The following MCHR2 variants were observed in gnomAD, a reference collection of about 807,000 sequenced individuals.
The protein encoded by MCHR2 is melanin concentrating hormone receptor 2.
Under a neutral mutation model 24.8 loss-of-function variants are expected in MCHR2, and 15 were observed. That is an observed-to-expected ratio of 0.60 (90% CI 0.40 to 0.93). MCHR2 has a LOEUF of 0.93. Among genes scored for constraint, MCHR2 ranks in the 40% least tolerant of loss-of-function variants. The probability of loss-of-function intolerance (pLI) is 0.00; values close to 1 mark genes in which losing one functional copy is unlikely to be tolerated. For synonymous variants in MCHR2, 151 were observed against 147.6 expected (o/e 1.02, Z -0.17); for missense variants, 386 against 408.7 (o/e 0.94, Z 0.48).
intron 1 of MCHR2, among the ~76,000 whole-genome samples, chr6:99,958,469 C>T (rs534188449): frequency 1.3e-5 from 2 of 151,954 alleles, no homozygotes; most frequent in South Asian, 4.2e-4. Flanking sequence ...TCTTTAGGTC[C>T]TTGGAGTAAA....
chr6:99,940,717 G>T (rs567628712), intron 4 of MCHR2, among the ~76,000 whole-genome samples: 2 of 151,758 alleles, frequency 1.3e-5, no homozygotes, highest in South Asian at 4.2e-4. Flanking sequence ...TATTTGCTTA[G>T]AGAGTCTTTA....
chr6:99,951,932 G>A (rs538250285), intron 2 of MCHR2, among the ~76,000 whole-genome samples: 29 of 152,218 alleles, frequency 1.9e-4, no homozygotes, highest in African/African-American at 5.1e-4. Flanking sequence ...GACAAAATGG[G>A]AACTCTATTT....
chr6:99,980,101 ATTGT>A lies in MCHR2; in HGVS notation c.-28+13831_-28+13834del, dbSNP rs998451180. Reference sequence around the variant, plus strand: ...TTTGATCATTTCAAGTTACATGATGATTGTTCTGTTTTATAGTTTATAAAGTAAT... The same window carrying A: ...TTTGATCATTTCAAGTTACATGATGATCTGTTTTATAGTTTATAAAGTAAT... On this transcript the variant is annotated intron_variant, in intron 1 of 5. Transcript: ENST00000281806. Among the ~76,000 whole-genome samples the A allele has an allele frequency of 1.0e-4, 14 of 134,642 alleles. No individual in the cohort carries two copies. In the Admixed American group the frequency reaches 1.1e-3, roughly 10 times the overall value. The allele number at this position is 134,642 out of a possible 152,430, so 88.3% of individuals were successfully genotyped here.
rs1775054187 is a variant in MCHR2, at chr6:99,956,092, G to GTTTAAAAGTTTAA, written c.55_56insTTAAACTTTTAAA (p.Ser19PhefsTer8). The stretch of plus-strand genomic sequence containing the variant: ...TTGATAAGCAAACTCTTTATTCCAG[G>GTTTAAAAGTTTAA]ATTTGTTTAAAAGTTCGGCAGAGGT... On this transcript the variant is annotated frameshift_variant, in exon 2 of 6. Transcript: ENST00000281806. LOFTEE classifies it high-confidence loss of function. 6.2e-7 allele frequency: 1 copy of GTTTAAAAGTTTAA among 1,613,258 alleles called. No individual in the cohort carries two copies. Among genetic ancestry groups the GTTTAAAAGTTTAA allele is most frequent in the Non-Finnish European group, 8.5e-7 (1 of 1,179,588 alleles).
At chr6:99,949,696 A>G (rs1269000974) in intron 2 of MCHR2, among the ~76,000 whole-genome samples, 1 of 152,054 alleles carries the variant, frequency 6.6e-6, no homozygotes, top group Non-Finnish European at 1.5e-5. Flanking sequence ...GCTGCCACTA[A>G]AAAAACAGGT....
rs1017217516 is a variant in MCHR2 at position 99,919,077 on chromosome 6, T to C, written c.*1863A>G. Among the ~76,000 whole-genome samples, 23 of 152,196 alleles carry C rather than the reference T, an allele frequency of 1.5e-4. 1 individual carries two copies. ...AATATTATTCACTGAGCCCGGACTG[T>C]TGCATCTTAGAAAAGTGAGAATGAA... On this transcript the variant is annotated 3_prime_UTR_variant, in exon 6 of 6. Coordinates refer to ENST00000281806, the MANE Select transcript of MCHR2 (RefSeq NM_001040179.2).
intron 2 of MCHR2, 90 bp downstream of exon 2, chr6:99,955,876 T>C (rs1189701148): frequency 1.9e-6 from 2 of 1,062,546 alleles, no homozygotes; most frequent in Non-Finnish European, 2.5e-6. Flanking sequence ...TTAAGCAAAA[T>C]GCTACAGGGG....
intron 1 of MCHR2, among the ~76,000 whole-genome samples, chr6:99,987,670 C>A (rs1046914373): frequency 6.6e-6 from 1 of 152,004 alleles, no homozygotes; most frequent in Non-Finnish European, 1.5e-5. Context: ...TTTAACTACA[C>A]TGAAAGCAAA....
chr6:99,949,841 A>G (rs1298428333), intron 2 of MCHR2, among the ~76,000 whole-genome samples: 1 of 151,908 alleles, frequency 6.6e-6, no homozygotes, highest in Non-Finnish European at 1.5e-5. Flanking sequence ...TGTCCTCTTC[A>G]GGTCATTAGA....
At chr6:99,932,875 A>G (rs1028148704) in intron 5 of MCHR2, among the ~76,000 whole-genome samples, 9 of 152,158 alleles carry the variant, frequency 5.9e-5, no homozygotes, top group African/African-American at 2.2e-4. Flanking sequence ...AAAGAATGGA[A>G]TTTAGTTAAC....
chr6:99,975,125 C>T (rs1026274464), intron 1 of MCHR2, among the ~76,000 whole-genome samples: 6 of 152,224 alleles, frequency 3.9e-5, no homozygotes. Flanking sequence ...TTTAAGTCTG[C>T]AGAGGTTACT....
At chr6:99,982,922 GT>G (rs1775697991) in intron 1 of MCHR2, among the ~76,000 whole-genome samples, 1 of 151,998 alleles carries the variant, frequency 6.6e-6, no homozygotes, top group South Asian at 2.1e-4. Flanking sequence ...TATGTGGCTG[GT>G]GCCGGCCATG....
chr6:99,947,518 G>A (rs971993479), intron 3 of MCHR2, among the ~76,000 whole-genome samples: 2 of 151,914 alleles, frequency 1.3e-5, no homozygotes, highest in South Asian at 2.1e-4. Flanking sequence ...GCACTGAATT[G>A]CAAATAAAAC....
At chr6:99,982,926 C>T (rs534372511) in intron 1 of MCHR2, among the ~76,000 whole-genome samples, 9 of 152,000 alleles carry the variant, frequency 5.9e-5, no homozygotes, top group African/African-American at 1.9e-4. Flanking sequence ...TGGCTGGTGC[C>T]GGCCATGATG....
In MCHR2 at chr6:99,920,919, C is replaced by T. The variant is rs777043129; in HGVS notation, c.*21G>A. 4 of 1,607,552 alleles carry T rather than the reference C, an allele frequency of 2.5e-6. No individual in the cohort carries two copies. The South Asian group carries it at 3.3e-5, about 13-fold the overall frequency. On this transcript the variant is annotated 3_prime_UTR_variant, in exon 6 of 6. Transcript: ENST00000281806. ...TAAGATAGACAATCATGTCTAGACT[C>T]ATGGTGATCCATGTACTTTCCTAAA...
intron 1 of MCHR2, among the ~76,000 whole-genome samples, chr6:99,979,748 A>G (rs893989801): frequency 1.3e-5 from 2 of 152,242 alleles, no homozygotes; most frequent in African/African-American, 4.8e-5. Flanking sequence ...AATATCCTTG[A>G]CAGCAATTCA....
At chr6:99,980,704 G>A (rs1249041246) in intron 1 of MCHR2, among the ~76,000 whole-genome samples, 2 of 152,066 alleles carry the variant, frequency 1.3e-5, no homozygotes, top group African/African-American at 2.4e-5. Flanking sequence ...CCTCTATATT[G>A]GGATTTTCAC....
At chr6:99,985,017 T>C (rs957814323) in intron 1 of MCHR2, among the ~76,000 whole-genome samples, 3 of 152,110 alleles carry the variant, frequency 2.0e-5, no homozygotes, top group African/African-American at 7.2e-5. Context: ...ATTAGTAGCA[T>C]TTTTATACAA....
At chr6:99,950,693 T>A (rs1455763486) in intron 2 of MCHR2, among the ~76,000 whole-genome samples, 1 of 152,126 alleles carries the variant, frequency 6.6e-6, no homozygotes, top group African/African-American at 2.4e-5. Context: ...TGTTAAAAAA[T>A]TTGCAGGAAC....
Sources: gnomAD v4.1 joint callset for allele counts (sites outside exome capture counted in the v4.1 genomes callset) on GRCh38, gnomAD v4.1.1 for gene constraint, MANE v1.5 for transcripts, NCBI Gene and HGNC (gene_info 2026-07-23, HGNC 2026-07-21) for gene names.